Variants in HSD17B2 observed in about 807,000 individuals in gnomAD.
HSD17B2 encodes the protein hydroxysteroid 17-beta dehydrogenase 2.
A neutral mutation model predicts 26.9 loss-of-function variants in HSD17B2; 32 were observed. The observed-to-expected ratio is 1.19, with a 90% confidence interval of 0.90 to 1.60. The LOEUF (loss-of-function observed/expected upper bound fraction) is 1.60, where lower values mean the gene tolerates loss of function less well. Among genes scored for constraint, HSD17B2 ranks in the 40% most tolerant of loss-of-function variants. The pLI is 0.00. For synonymous variants in HSD17B2, 246 were observed against 186.7 expected, an observed-to-expected ratio of 1.32 and a Z score of -2.59; for missense variants, 613 against 468.6, an observed-to-expected ratio of 1.31 and a Z score of -2.85.
intron 1 of HSD17B2, among the ~76,000 whole-genome samples, chr16:82,038,912 T>C (rs1041458020): frequency 1.1e-4 from 17 of 152,138 alleles, no homozygotes; most frequent in African/African-American, 3.1e-4. Flanking sequence ...CTGTAGTCTT[T>C]ATGCCTTCAC....
intron 1 of HSD17B2, among the ~76,000 whole-genome samples, chr16:82,062,151 A>T (rs1914457698): frequency 6.6e-6 from 1 of 152,218 alleles, no homozygotes; most frequent in Non-Finnish European, 1.5e-5. Context: ...AAGGTGATTC[A>T]CATTATTTCC....
At chr16:82,049,788 A>T (rs1914050798) in intron 1 of HSD17B2, among the ~76,000 whole-genome samples, 1 of 152,234 alleles carries the variant, frequency 6.6e-6, no homozygotes, top group African/African-American at 2.4e-5. Flanking sequence ...CAGAGATGGA[A>T]TTTTTAAATA....
intron 3 of HSD17B2, among the ~76,000 whole-genome samples, chr16:82,081,757 A>T (rs1904387167): frequency 6.6e-6 from 1 of 152,176 alleles, no homozygotes; most frequent in African/African-American, 2.4e-5. Flanking sequence ...TTATTTTTAA[A>T]ATTAATTTTA....
chr16:82,055,204 G>C (rs542303511), intron 1 of HSD17B2, among the ~76,000 whole-genome samples: 1 of 152,256 alleles, frequency 6.6e-6, no homozygotes, highest in East Asian at 1.9e-4. Context: ...TTCTGCTCTG[G>C]TTAAAATGGC....
chr16:82,068,388 G>A lies in HSD17B2; in HGVS notation c.478+6G>A. The A allele has an allele frequency of 6.2e-7, 1 of 1,606,196 alleles. No homozygotes were observed. The highest frequency in any genetic ancestry group is 8.5e-7 in the Non-Finnish European group (1 of 1,176,748). On this transcript the variant is annotated splice_donor_region_variant and intron_variant, in intron 2 of 4. Transcript: ENST00000199936. ...AGCAATGCTGCAGGACAGAGGTACT[G>A]CCGCCAGCACCCTCAGTGCCTTTAC...
chr16:82,043,330 A>G (rs1415867842), intron 1 of HSD17B2, among the ~76,000 whole-genome samples: 1 of 152,088 alleles, frequency 6.6e-6, no homozygotes, highest in Non-Finnish European at 1.5e-5. Flanking sequence ...CACTTGTGAT[A>G]TTGGGGGGAA....
intron 1 of HSD17B2, chr16:82,044,335 C>A (rs957659460): frequency 6.6e-6 from 1 of 152,172 alleles, no homozygotes; most frequent in African/African-American, 2.4e-5. Flanking sequence ...AGACAGGGGG[C>A]TTAAGACATC....
chr16:82,086,560 T>C (rs372303536), intron 3 of HSD17B2, among the ~76,000 whole-genome samples: 1 of 152,122 alleles, frequency 6.6e-6, no homozygotes. Context: ...AGGGAACAAA[T>C]TGACTGAATA....
chr16:82,078,028 A>T (rs924032221), intron 3 of HSD17B2, among the ~76,000 whole-genome samples: 1 of 152,184 alleles, frequency 6.6e-6, no homozygotes, highest in Non-Finnish European at 1.5e-5. Flanking sequence ...GCACAGGCAA[A>T]TGAGATCACA....
rs1313929620 is a variant in HSD17B2, at chr16:82,091,025, G to C, written c.788G>C (p.Gly263Ala). 1 of 1,613,966 alleles carries C rather than the reference G, an allele frequency of 6.2e-7. No individual in the cohort carries two copies. Among genetic ancestry groups the C allele is most frequent in the Non-Finnish European group, 8.5e-7 (1 of 1,179,892 alleles). The change falls in exon 4 of 5, where the codon GGA (glycine) becomes GCA (alanine). Residue 263 changes from glycine (G) to alanine (A), a missense_variant. Physicochemically the swap from Gly to Ala is moderately conservative, Grantham distance 60 (BLOSUM62 0). Coordinates refer to ENST00000199936, the MANE Select transcript of HSD17B2 (RefSeq NM_002153.3). ...WGIKVASIQPGGFLTNIAGTS... is the reference protein window; with the variant it reads ...WGIKVASIQPAGFLTNIAGTS... ...ATTAAAGTTGCTTCCATCCAACCTG[G>C]AGGCTTCCTAACAAGTAGGTTTCTG... is the stretch of plus-strand genomic sequence containing the variant.
chr16:82,069,306 G>A (rs1011229065), intron 2 of HSD17B2, among the ~76,000 whole-genome samples: 1 of 152,154 alleles, frequency 6.6e-6, no homozygotes, highest in South Asian at 2.1e-4. Context: ...TCTTTATCCA[G>A]TCTATCATTG....
At chr16:82,044,855 C>G (rs1215388955) in intron 1 of HSD17B2, among the ~76,000 whole-genome samples, 1 of 152,076 alleles carries the variant, frequency 6.6e-6, no homozygotes, top group Non-Finnish European at 1.5e-5. Context: ...TGGTGGCTCA[C>G]GCTTGTAATC....
intron 1 of HSD17B2, among the ~76,000 whole-genome samples, chr16:82,065,423 C>T (rs908185927): frequency 6.6e-6 from 1 of 152,172 alleles, no homozygotes; most frequent in South Asian, 2.1e-4. Flanking sequence ...GCAGAAGGAA[C>T]ATGCTGGGCA....
intron 1 of HSD17B2, among the ~76,000 whole-genome samples, chr16:82,042,980 G>C (rs936370938): frequency 6.6e-6 from 1 of 152,216 alleles, no homozygotes; most frequent in Non-Finnish European, 1.5e-5. Flanking sequence ...GTGGCCAAAT[G>C]TTAGCTTCCA....
At chr16:82,076,781 T>A (rs1164897964) in intron 3 of HSD17B2, among the ~76,000 whole-genome samples, 2 of 152,170 alleles carry the variant, frequency 1.3e-5, no homozygotes, top group Non-Finnish European at 2.9e-5. Flanking sequence ...GGTTTCATAA[T>A]GTTGGCCAGG....
intron 3 of HSD17B2, among the ~76,000 whole-genome samples, chr16:82,072,526 G>T (rs980781089): frequency 2.6e-5 from 4 of 152,104 alleles, no homozygotes; most frequent in Non-Finnish European, 4.4e-5. Flanking sequence ...AAATAACAGA[G>T]TACTGCCTCC....
At chr16:82,093,187 AC>A (rs1904742502) in intron 4 of HSD17B2, 1 of 152,164 alleles carries the variant, frequency 6.6e-6, no homozygotes, top group Admixed American at 6.5e-5. Flanking sequence ...CATTACCAAC[AC>A]CCAGAAGCCC....
chr16:82,097,949 AAAAT>A (rs1301128667), intron 4 of HSD17B2, 122 bp from the exon 5 acceptor site: 23 of 918,974 alleles, frequency 2.5e-5, no homozygotes, highest in Non-Finnish European at 2.0e-5. Context: ...CAAAAATAAA[AAAAT>A]AAAAAAATAA....
At chr16:82,037,720 T>G (rs557999656) in intron 1 of HSD17B2, among the ~76,000 whole-genome samples, 7 of 152,312 alleles carry the variant, frequency 4.6e-5, no homozygotes, top group African/African-American at 1.7e-4. Flanking sequence ...GGTATAACAA[T>G]GTGCAACCAT....
Sources: allele counts gnomAD v4.1 joint callset (sites outside exome capture counted in the v4.1 genomes callset), GRCh38; gene constraint gnomAD v4.1.1; transcripts MANE v1.5; gene names NCBI Gene and HGNC (gene_info 2026-07-23, HGNC 2026-07-21).